Variants in ZDHHC12 observed in about 807,000 individuals in gnomAD.
The protein encoded by ZDHHC12 is palmitoyltransferase ZDHHC12.
A neutral mutation model predicts 33.2 loss-of-function variants in ZDHHC12; 26 were observed. The observed-to-expected ratio is 0.78, with a 90% CI of 0.57 to 1.09. The LOEUF (loss-of-function observed/expected upper bound fraction) is 1.09. ZDHHC12 is among the 50% of genes least tolerant of loss of function. The probability of loss-of-function intolerance (pLI) is 0.00; values close to 1 mark genes in which losing one functional copy is unlikely to be tolerated. For missense variants in ZDHHC12, 350 were observed against 353.0 expected, an observed-to-expected ratio of 0.99 and a Z score of 0.07; for synonymous variants, 154 against 152.1, an observed-to-expected ratio of 1.01 and a Z score of -0.09.
Position 128,722,364 on chromosome 9 carries a change from C to T in ZDHHC12, c.237+74G>A, listed in dbSNP as rs1423120909. The stretch of plus-strand genomic sequence containing the variant: ...ACTGAACTGCTCCCACAAGAGCCTG[C>T]AGCACAGAGCCTGGCATGGAGACTG... On this transcript the variant is annotated intron_variant, in intron 2 of 4. Coordinates refer to ENST00000372663, the MANE Select transcript of ZDHHC12 (RefSeq NM_032799.5). The surrounding 1 kb of genome is among the most constrained non-coding windows in gnomAD (Gnocchi z 4.2). 1 of 1,447,754 alleles carries T rather than the reference C, an allele frequency of 6.9e-7. No individual in the cohort carries two copies. Among genetic ancestry groups the T allele is most frequent in the African/African-American group, 1.4e-5 (1 of 69,714 alleles). The allele number at this position is 1,447,754 out of a possible 1,614,324, so 89.7% of individuals were successfully genotyped here.
Position 128,722,072 on chromosome 9 carries a change from C to T in ZDHHC12, c.252G>A (p.Glu84=), listed in dbSNP as rs1229221078. The T allele has an allele frequency of 2.5e-6, 4 of 1,614,044 alleles. 1 individual carries two copies. The highest frequency in any genetic ancestry group is 3.4e-6 in the Non-Finnish European group (4 of 1,179,992). The stretch of plus-strand genomic sequence containing the variant: ...CTGGAGGAACCATGGCTGTCTGCTC[C>T]TCTTTGAGCTCCTCCTGGAATGAGG... ...VQPQPQEELK[E]EQTAMVPPAI... is the part of the protein sequence containing the mutation. The change falls in exon 3 of 5, where the codon GAG becomes GAA. Residue 84 remains glutamate (E), a synonymous_variant. Coordinates refer to ENST00000372663, the MANE Select transcript of ZDHHC12 (RefSeq NM_032799.5). The surrounding 1 kb of genome is among the most constrained non-coding windows in gnomAD (Gnocchi z 4.2).
In ZDHHC12 at chr9:128,720,873, T is replaced by C; in HGVS notation, c.*308A>G. ...CCGCAGCAAGGAGTGATATGGTTTG[T>C]CTTTTTAAGACTGGACTTGCTTTAT... is the stretch of plus-strand genomic sequence containing the variant. On this transcript the variant is annotated 3_prime_UTR_variant, in exon 5 of 5. Coordinates refer to ENST00000372663, the MANE Select transcript of ZDHHC12 (RefSeq NM_032799.5). The surrounding 1 kb of genome is among the most constrained non-coding windows in gnomAD (Gnocchi z 5.5). 1 of 581,910 alleles carries C rather than the reference T, an allele frequency of 1.7e-6. No homozygotes were observed. The highest frequency in any genetic ancestry group is 2.9e-5 in the East Asian group (1 of 34,780). 36.0% of individuals were successfully genotyped at this position (581,910 alleles called of 1,614,324 possible). A position where few individuals can be genotyped will look rare whatever the true frequency, so the allele number is the denominator to read the frequency against.
chr9:128,724,063 C>A lies in ZDHHC12; in HGVS notation c.31G>T (p.Val11Phe). 1 of 1,605,444 alleles carries A rather than the reference C, an allele frequency of 6.2e-7. No homozygotes were observed. Among genetic ancestry groups the A allele is most frequent in the Non-Finnish European group, 8.5e-7 (1 of 1,174,616 alleles). The change falls in exon 1 of 5, where the codon GTC becomes TTC. Residue 11 changes from valine (V) to phenylalanine (F), a missense_variant. Val to Phe is a conservative substitution (Grantham distance 50). Coordinates refer to ENST00000372663, the MANE Select transcript of ZDHHC12 (RefSeq NM_032799.5). MAPWALLSPGVLVRTGHTVLT... is the reference protein window; with the variant it reads MAPWALLSPGFLVRTGHTVLT... ...ACGGTGTGCCCGGTCCGCACCAGGA[C>A]CCCAGGGCTGAGGAGCGCCCAGGGC... is the stretch of plus-strand genomic sequence containing the variant.
Position 128,721,450 on chromosome 9 carries a change from G to T in ZDHHC12, c.535C>A (p.Leu179Ile), listed in dbSNP as rs1447336496. 3.1e-6 allele frequency: 5 copies of T among 1,588,538 alleles called. No homozygotes were observed. Among genetic ancestry groups the T allele is most frequent in the Non-Finnish European group, 4.3e-6 (5 of 1,168,128 alleles). The part of the protein sequence containing the change: ...PWGQWLRSSG[L>I]LFATFLLLSL... Reference sequence around the variant, plus strand: ...AGCAGCAGGAAGGTGGCGAACAGGAGCCCGCTGGACCGCAACCACTGACCC... The same window carrying T: ...AGCAGCAGGAAGGTGGCGAACAGGATCCCGCTGGACCGCAACCACTGACCC... The change falls in exon 5 of 5, where the codon CTC (leucine) becomes ATC (isoleucine). Residue 179 changes from leucine (L) to isoleucine (I), a missense_variant. Coordinates refer to ENST00000372663, the MANE Select transcript of ZDHHC12 (RefSeq NM_032799.5). This position sits in a 1 kb window ranked among gnomAD's most constrained non-coding sequence, Gnocchi z 6.9.
In ZDHHC12 at chr9:128,723,793, G is replaced by C. The variant is rs1862639476; in HGVS notation, c.100+201C>G. On this transcript the variant is annotated intron_variant, in intron 1 of 4. Transcript: ENST00000372663. The surrounding 1 kb of genome is among the most constrained non-coding windows in gnomAD (Gnocchi z 4.4). The stretch of plus-strand genomic sequence containing the variant: ...TTGGCAATGATCAGGAAGATGCTGG[G>C]ATTAATTAGGGATCAACGGGGTATC... 1.3e-6 allele frequency: 1 copy of C among 776,556 alleles called. No individual in the cohort carries two copies. The highest frequency in any genetic ancestry group is 2.9e-5 in the Admixed American group (1 of 34,654). 48.1% of individuals were successfully genotyped at this position (776,556 alleles called of 1,614,324 possible).
In ZDHHC12 at chr9:128,723,512, C is replaced by T. The variant is rs1296930381; in HGVS notation, c.100+482G>A. The T allele has an allele frequency of 1.1e-5, 2 of 188,016 alleles. No homozygotes were observed. Among genetic ancestry groups the T allele is most frequent in the Non-Finnish European group, 2.2e-5 (2 of 91,468 alleles). The allele number at this position is 188,016 out of a possible 1,614,324, so 11.6% of individuals were successfully genotyped here. A position where few individuals can be genotyped will look rare whatever the true frequency, so the allele number is the denominator to read the frequency against. Reference sequence around the variant, plus strand: ...ATCTGTGGGAAGATGGGAGACAGGCCGCACCCCATGGAGTGTTCTCTGGCC... The same window carrying T: ...ATCTGTGGGAAGATGGGAGACAGGCTGCACCCCATGGAGTGTTCTCTGGCC... On this transcript the variant is annotated intron_variant, in intron 1 of 4. Coordinates refer to ENST00000372663, the MANE Select transcript of ZDHHC12 (RefSeq NM_032799.5). This position sits in a 1 kb window ranked among gnomAD's most constrained non-coding sequence, Gnocchi z 4.4.
chr9:128,722,136 G>A lies in ZDHHC12; in HGVS notation c.238-50C>T. 1 of 1,606,570 alleles carries A rather than the reference G, an allele frequency of 6.2e-7. No homozygotes were observed. Among genetic ancestry groups the A allele is most frequent in the Non-Finnish European group, 8.5e-7 (1 of 1,173,604 alleles). On this transcript the variant is annotated intron_variant, in intron 2 of 4. Coordinates refer to ENST00000372663, the MANE Select transcript of ZDHHC12 (RefSeq NM_032799.5). This position sits in a 1 kb window ranked among gnomAD's most constrained non-coding sequence, Gnocchi z 4.2. ...ACAGGGTCCCCTTGGGAGACAGATG[G>A]CATTGGCGGGCAGCTCCCCTAGGGG... is the stretch of plus-strand genomic sequence containing the variant.
At position 128,722,623 on chromosome 9, in the gene ZDHHC12, T is replaced by C. The variant is rs756604482; in HGVS notation, c.101-49A>G. ...GAGGCTGGGCCGGGTAGAACAGGAG[T>C]GGGTGGGGTTGGGGTGCAGTTGGAG... On this transcript the variant is annotated intron_variant, in intron 1 of 4. Coordinates refer to ENST00000372663, the MANE Select transcript of ZDHHC12 (RefSeq NM_032799.5). The surrounding 1 kb of genome is among the most constrained non-coding windows in gnomAD (Gnocchi z 4.2). The C allele has an allele frequency of 3.8e-6, 6 of 1,562,526 alleles. No individual in the cohort carries two copies. Among genetic ancestry groups the C allele is most frequent in the Non-Finnish European group, 5.2e-6 (6 of 1,153,692 alleles).
chr9:128,723,813 G>T lies in ZDHHC12; in HGVS notation c.100+181C>A. On this transcript the variant is annotated intron_variant, in intron 1 of 4. Coordinates refer to ENST00000372663, the MANE Select transcript of ZDHHC12 (RefSeq NM_032799.5). The surrounding 1 kb of genome is among the most constrained non-coding windows in gnomAD (Gnocchi z 4.4). ...GCTGGGATTAATTAGGGATCAACGG[G>T]GTATCAGACAGAGAGCAGGTGGCTC... 2.3e-6 allele frequency: 2 copies of T among 857,304 alleles called. No homozygotes were observed. Among genetic ancestry groups the T allele is most frequent in the Non-Finnish European group, 3.5e-6 (2 of 565,258 alleles). 53.1% of individuals were successfully genotyped at this position (857,304 alleles called of 1,614,324 possible).
rs1862629509 is a variant in ZDHHC12, at chr9:128,723,426, G to A, written c.100+568C>T. The stretch of plus-strand genomic sequence containing the variant: ...GTGGGGGAGGCTGCCTGTGGCAGGT[G>A]AGGCGCTGGGTAGGGGGCTACTAAG... On this transcript the variant is annotated intron_variant, in intron 1 of 4. Transcript: ENST00000372663. This position sits in a 1 kb window ranked among gnomAD's most constrained non-coding sequence, Gnocchi z 4.4. 1 of 154,106 alleles carries A rather than the reference G, an allele frequency of 6.5e-6. No homozygotes were observed. Among genetic ancestry groups the A allele is most frequent in the South Asian group, 1.9e-4 (1 of 5,210 alleles). 9.5% of individuals were successfully genotyped at this position (154,106 alleles called of 1,614,324 possible).
Position 128,721,837 on chromosome 9 carries a change from T to C in ZDHHC12, c.316-20A>G. ...GGGCTGCTGTGGGCATGGAGGAGAG[T>C]GGAGGCTCAGTGCCAGCCCTGCTGT... is the stretch of plus-strand genomic sequence containing the variant. On this transcript the variant is annotated intron_variant, in intron 3 of 4. Coordinates refer to ENST00000372663, the MANE Select transcript of ZDHHC12 (RefSeq NM_032799.5). The surrounding 1 kb of genome is among the most constrained non-coding windows in gnomAD (Gnocchi z 6.9). The C allele has an allele frequency of 6.2e-7, 1 of 1,608,122 alleles. No individual in the cohort carries two copies. Among genetic ancestry groups the C allele is most frequent in the Non-Finnish European group, 8.5e-7 (1 of 1,177,414 alleles).
In ZDHHC12 at chr9:128,721,979, C is replaced by T. The variant is rs181317658; in HGVS notation, c.315+30G>A. The stretch of plus-strand genomic sequence containing the variant: ...CGAGGAGTCTCAGCTTTGGCCCAAC[C>T]TCTCCCACGGGTGTCCGTGCATCAC... On this transcript the variant is annotated intron_variant, in intron 3 of 4. Coordinates refer to ENST00000372663, the MANE Select transcript of ZDHHC12 (RefSeq NM_032799.5). This position sits in a 1 kb window ranked among gnomAD's most constrained non-coding sequence, Gnocchi z 6.9. The T allele has an allele frequency of 2.7e-3, 4,327 of 1,613,776 alleles. 31 individuals carry two copies. Among genetic ancestry groups the T allele is most frequent in the African/African-American group, 0.022 (1,672 of 75,016 alleles).
Position 128,724,012 on chromosome 9 carries a change from G to A in ZDHHC12, c.82C>T (p.Leu28Phe). ...TVLTWGITLV[L>F]FLHDTELRQW... is the part of the protein sequence containing the mutation. ...GGCTCACCGGTATCGTGCAGGAAGA[G>A]CACCAGCGTGATTCCCCAGGTCAGC... is the stretch of plus-strand genomic sequence containing the variant. The change falls in exon 1 of 5, where the codon CTC becomes TTC. Residue 28 changes from leucine (L) to phenylalanine (F), a missense_variant. Physicochemically the swap from Leu to Phe is conservative, Grantham distance 22 (BLOSUM62 0). Transcript: ENST00000372663. 5 of 1,613,058 alleles carry A rather than the reference G, an allele frequency of 3.1e-6. No homozygotes were observed. The highest frequency in any genetic ancestry group is 4.2e-6 in the Non-Finnish European group (5 of 1,179,488).
chr9:128,722,201 T>C lies in ZDHHC12; in HGVS notation c.238-115A>G. ...GGTATGGAGTTTGGGACCCATCCCA[T>C]GCAGAATGGAGGTGTGGGGTATGGC... On this transcript the variant is annotated intron_variant, in intron 2 of 4. Coordinates refer to ENST00000372663, the MANE Select transcript of ZDHHC12 (RefSeq NM_032799.5). This position sits in a 1 kb window ranked among gnomAD's most constrained non-coding sequence, Gnocchi z 4.2. 7.5e-7 allele frequency: 1 copy of C among 1,334,076 alleles called. No homozygotes were observed. Among genetic ancestry groups the C allele is most frequent in the South Asian group, 1.3e-5 (1 of 78,986 alleles). The allele number at this position is 1,334,076 out of a possible 1,614,324, so 82.6% of individuals were successfully genotyped here.
chr9:128,721,839 G>A lies in ZDHHC12; in HGVS notation c.316-22C>T. 2 of 1,609,866 alleles carry A rather than the reference G, an allele frequency of 1.2e-6. No individual in the cohort carries two copies. The highest frequency in any genetic ancestry group is 1.7e-6 in the Non-Finnish European group (2 of 1,177,908). On this transcript the variant is annotated intron_variant, in intron 3 of 4. Coordinates refer to ENST00000372663, the MANE Select transcript of ZDHHC12 (RefSeq NM_032799.5). This position sits in a 1 kb window ranked among gnomAD's most constrained non-coding sequence, Gnocchi z 6.9. ...GCTGCTGTGGGCATGGAGGAGAGTGGAGGCTCAGTGCCAGCCCTGCTGTGG... is the reference window on the plus strand; with the variant it reads ...GCTGCTGTGGGCATGGAGGAGAGTGAAGGCTCAGTGCCAGCCCTGCTGTGG...
rs367730720 is a variant in ZDHHC12 at position 128,722,101 on chromosome 9, G to A, written c.238-15C>T. The A allele has an allele frequency of 3.1e-6, 5 of 1,613,918 alleles. No homozygotes were observed. The highest frequency in any genetic ancestry group is 3.4e-6 in the Non-Finnish European group (4 of 1,179,946). On this transcript the variant is annotated splice_polypyrimidine_tract_variant and intron_variant, in intron 2 of 4. Coordinates refer to ENST00000372663, the MANE Select transcript of ZDHHC12 (RefSeq NM_032799.5). This position sits in a 1 kb window ranked among gnomAD's most constrained non-coding sequence, Gnocchi z 4.2. ...TTGAGCTCCTCCTGGAATGAGGGGT[G>A]GGGTGTAAGACAGGGTCCCCTTGGG...
Position 128,721,114 on chromosome 9 carries a change from C to T in ZDHHC12, c.*67G>A. ...GTGAGGGCCCCAGGCCCTCTGAGCG[C>T]TCACCCCAGCTGGGGACAGGCCCCG... On this transcript the variant is annotated 3_prime_UTR_variant, in exon 5 of 5. Coordinates refer to ENST00000372663, the MANE Select transcript of ZDHHC12 (RefSeq NM_032799.5). This position sits in a 1 kb window ranked among gnomAD's most constrained non-coding sequence, Gnocchi z 6.9. 6.9e-7 allele frequency: 1 copy of T among 1,439,556 alleles called. No individual in the cohort carries two copies. Among genetic ancestry groups the T allele is most frequent in the Non-Finnish European group, 9.1e-7 (1 of 1,096,156 alleles). The allele number at this position is 1,439,556 out of a possible 1,614,324, so 89.2% of individuals were successfully genotyped here.
Position 128,723,897 on chromosome 9 carries a change from G to C in ZDHHC12, c.100+97C>G, listed in dbSNP as rs993168987. 6.6e-7 allele frequency: 1 copy of C among 1,509,766 alleles called. No individual in the cohort carries two copies. Among genetic ancestry groups the C allele is most frequent in the Admixed American group, 2.0e-5 (1 of 49,332 alleles). 93.5% of individuals were successfully genotyped at this position (1,509,766 alleles called of 1,614,324 possible). Reference sequence around the variant, plus strand: ...CTGGTGGAGATCGGGCCAATCCCAGGATCTCCAGGGATTAGGCGGGAGACC... The same window carrying C: ...CTGGTGGAGATCGGGCCAATCCCAGCATCTCCAGGGATTAGGCGGGAGACC... On this transcript the variant is annotated intron_variant, in intron 1 of 4. Coordinates refer to ENST00000372663, the MANE Select transcript of ZDHHC12 (RefSeq NM_032799.5). This position sits in a 1 kb window ranked among gnomAD's most constrained non-coding sequence, Gnocchi z 4.4.
chr9:128,721,824 G>C lies in ZDHHC12; in HGVS notation c.316-7C>G, dbSNP rs768871043. 2 of 1,611,908 alleles carry C rather than the reference G, an allele frequency of 1.2e-6. No individual in the cohort carries two copies. The highest frequency in any genetic ancestry group is 1.7e-6 in the Non-Finnish European group (2 of 1,179,066). ...GCCGAGCCCTCAGGGGCTGCTGTGG[G>C]CATGGAGGAGAGTGGAGGCTCAGTG... On this transcript the variant is annotated splice_region_variant and splice_polypyrimidine_tract_variant and intron_variant, in intron 3 of 4. Coordinates refer to ENST00000372663, the MANE Select transcript of ZDHHC12 (RefSeq NM_032799.5). This position sits in a 1 kb window ranked among gnomAD's most constrained non-coding sequence, Gnocchi z 6.9.
Sources: allele counts gnomAD v4.1 joint callset, GRCh38; gene constraint gnomAD v4.1.1; non-coding constraint Gnocchi (gnomAD v3.1); transcripts MANE v1.5; gene names NCBI Gene and HGNC (gene_info 2026-07-23, HGNC 2026-07-21).